The following EPHX1 variants were observed in gnomAD, a reference collection of about 807,000 sequenced individuals.
EPHX1 encodes epoxide hydrolase 1, also known as epoxide hydratase.
Under a neutral mutation model 43.2 loss-of-function variants are expected in EPHX1, and 40 were observed. That is an observed-to-expected ratio of 0.93 (90% CI 0.72 to 1.21). EPHX1 has a LOEUF of 1.21. Among genes scored for constraint, EPHX1 ranks in the 50% most tolerant of loss-of-function variants. The probability of loss-of-function intolerance (pLI) is 0.00; values close to 1 mark genes in which losing one functional copy is unlikely to be tolerated. For missense variants in EPHX1, 550 were observed against 570.4 expected, an observed-to-expected ratio of 0.96 and a Z score of 0.36; for synonymous variants, 221 against 226.7, an observed-to-expected ratio of 0.98 and a Z score of 0.22.
chr1:225,816,110 C>T (rs1187263874), intron 1 of EPHX1, among the ~76,000 whole-genome samples: 4 of 151,998 alleles, frequency 2.6e-5, no homozygotes, highest in African/African-American at 4.8e-5. Context: ...GCCAACATGG[C>T]GAAACCCCTT....
chr1:225,811,963 A>AT, intron 1 of EPHX1, among the ~76,000 whole-genome samples: 1 of 152,292 alleles, frequency 6.6e-6, no homozygotes, highest in Admixed American at 6.5e-5. Flanking sequence ...TAATATGGAG[A>AT]TAAATAAAAC....
chr1:225,826,083 T>C (rs1470741645), intron 1 of EPHX1, among the ~76,000 whole-genome samples: 1 of 152,180 alleles, frequency 6.6e-6, no homozygotes, highest in African/African-American at 2.4e-5. Context: ...TTGTTTTTAT[T>C]GTGGGAGTGT....
chr1:225,845,344 A>ATGACCC lies in EPHX1; in HGVS notation c.1366_*3dup. 1 of 1,607,386 alleles carries ATGACCC rather than the reference A, an allele frequency of 6.2e-7. No homozygotes were observed. On this transcript the variant is annotated inframe_insertion and stop_retained_variant, in exon 9 of 9. Transcript: ENST00000272167. ...AGTTCCTGTCGGTGCTGGAGCGGCA[A>ATGACCC]TGACCCACCCCTCTCCCCCCGCCTG... is the stretch of plus-strand genomic sequence containing the variant.
chr1:225,816,422 C>T (rs542362667), intron 1 of EPHX1, among the ~76,000 whole-genome samples: 13 of 152,212 alleles, frequency 8.5e-5, no homozygotes, highest in South Asian at 4.1e-4. Context: ...CTGGGTTCTG[C>T]TTGAGTTTTT....
At chr1:225,845,032 C>T in intron 8 of EPHX1, 114 bp from the exon 9 acceptor site, 2 of 1,133,168 alleles carry the variant, frequency 1.8e-6, no homozygotes, top group Non-Finnish European at 2.6e-6. Flanking sequence ...TTCTTTATGG[C>T]TCCTTGTGGG....
chr1:225,836,279 G>C (rs1410727981), intron 3 of EPHX1, among the ~76,000 whole-genome samples: 1 of 152,166 alleles, frequency 6.6e-6, no homozygotes, highest in African/African-American at 2.4e-5. Context: ...GTAGATACCA[G>C]CATTATCCAG....
At chr1:225,820,913 G>A (rs1031695044) in intron 1 of EPHX1, among the ~76,000 whole-genome samples, 2 of 152,036 alleles carry the variant, frequency 1.3e-5, no homozygotes, top group Non-Finnish European at 2.9e-5. Context: ...TTGTGTGTTA[G>A]TCCTGGTGCC....
In EPHX1 at chr1:225,839,889, C is replaced by G; in HGVS notation, c.783C>G (p.Thr261=). Residue 261 remains threonine, a synonymous_variant, in exon 6 of 9, where the codon ACC becomes ACG. Transcript: ENST00000272167. ...TTTTAAGCAACTTCTCTACCCTGAC[C>G]CTCCTCCTGGGACAGCGTTTCGGGA... ...ALVLSNFSTL[T]LLLGQRFGRF... 6.2e-7 allele frequency: 1 copy of G among 1,614,212 alleles called. No homozygotes were observed. The highest frequency in any genetic ancestry group is 8.5e-7 in the Non-Finnish European group (1 of 1,180,026).
chr1:225,813,973 C>A (rs1334792006), intron 1 of EPHX1, among the ~76,000 whole-genome samples: 2 of 152,208 alleles, frequency 1.3e-5, no homozygotes, highest in Non-Finnish European at 2.9e-5. Context: ...GTTCTTAGGT[C>A]GGGAGCAGGA....
At chr1:225,844,059 A>G (rs1472259548) in intron 7 of EPHX1, among the ~76,000 whole-genome samples, 1 of 152,122 alleles carries the variant, frequency 6.6e-6, no homozygotes, top group Admixed American at 6.6e-5. Flanking sequence ...CCACTTAATA[A>G]GTAAAATGGA....
In EPHX1 at chr1:225,844,401, A is replaced by G. The variant is rs1249121437; in HGVS notation, c.1041-97A>G. On this transcript the variant is annotated intron_variant, in intron 7 of 8. Transcript: ENST00000272167. ...CATGAGGTCTGAGGAGGGAAGCCGCATGGGCAGGGCCTGGCATTTGTAGGA... is the reference window on the plus strand; with the variant it reads ...CATGAGGTCTGAGGAGGGAAGCCGCGTGGGCAGGGCCTGGCATTTGTAGGA... The G allele has an allele frequency of 5.0e-6, 8 of 1,597,662 alleles. No homozygotes were observed. In the Admixed American group the frequency reaches 1.2e-4, roughly 23 times the overall value.
intron 1 of EPHX1, among the ~76,000 whole-genome samples, chr1:225,816,422 C>G (rs542362667): frequency 2.4e-4 from 37 of 152,212 alleles, no homozygotes; most frequent in African/African-American, 8.4e-4. Flanking sequence ...CTGGGTTCTG[C>G]TTGAGTTTTT....
At chr1:225,828,643 G>T in intron 1 of EPHX1, 82 bp from the exon 2 acceptor site, 1 of 1,438,918 alleles carries the variant, frequency 6.9e-7, no homozygotes, top group Admixed American at 1.7e-5. Flanking sequence ...GCAGGAAAGA[G>T]CCTGCTGGGG....
At chr1:225,826,133 T>TG (rs1315324447) in intron 1 of EPHX1, among the ~76,000 whole-genome samples, 1 of 151,988 alleles carries the variant, frequency 6.6e-6, no homozygotes, top group African/African-American at 2.4e-5. Context: ...ATAGGGTCCT[T>TG]GGGGCCCAGG....
intron 3 of EPHX1, 52 bp from the exon 4 acceptor site, chr1:225,838,602 C>A: frequency 1.3e-6 from 2 of 1,521,010 alleles, no homozygotes; most frequent in Non-Finnish European, 1.8e-6. Flanking sequence ...CAGAGCCTGA[C>A]CGTGCAGGGT....
At chr1:225,830,490 G>A (rs1485664675) in intron 2 of EPHX1, among the ~76,000 whole-genome samples, 2 of 152,150 alleles carry the variant, frequency 1.3e-5, no homozygotes, top group African/African-American at 4.8e-5. Context: ...TTTGGAGACA[G>A]GGTCTTGCTC....
intron 1 of EPHX1, among the ~76,000 whole-genome samples, chr1:225,814,256 G>A (rs1174737629): frequency 1.3e-5 from 2 of 152,134 alleles, no homozygotes; most frequent in Non-Finnish European, 2.9e-5. Flanking sequence ...TAAATTAGCT[G>A]GGAGTGGTGG....
Position 225,845,228 on chromosome 1 carries a change from T to C in EPHX1, c.1249T>C (p.Tyr417His), listed in dbSNP as rs1321764952. 1 of 1,614,112 alleles carries C rather than the reference T, an allele frequency of 6.2e-7. No homozygotes were observed. Among genetic ancestry groups the C allele is most frequent in the Admixed American group, 1.7e-5 (1 of 60,024 alleles). The change falls in exon 9 of 9, where the codon TAC (tyrosine) becomes CAC (histidine). Residue 417 changes from tyrosine (Y) to histidine (H), a missense_variant. Tyr to His is a moderately conservative substitution (Grantham distance 83). Transcript: ENST00000272167. ...GCCTGAAAAGTGGGTGAGGTTCAAG[T>C]ACCCAAAGCTCATCTCCTATTCCTA... ...HTPEKWVRFK[Y>H]PKLISYSYMV...
At position 225,844,490 on chromosome 1, in the gene EPHX1, G is replaced by T; in HGVS notation, c.1041-8G>T. The T allele has an allele frequency of 2.5e-6, 4 of 1,614,046 alleles. No homozygotes were observed. The highest frequency in any genetic ancestry group is 3.4e-6 in the Non-Finnish European group (4 of 1,179,980). On this transcript the variant is annotated splice_region_variant and splice_polypyrimidine_tract_variant and intron_variant, in intron 7 of 8. Coordinates refer to ENST00000272167, the MANE Select transcript of EPHX1 (RefSeq NM_001136018.4). ...CTGAGAGTGGGGCTTTGTGTTCTGC[G>T]TTCCCAGGAAGTTCTCCCTGGACGA...
Sources: allele counts gnomAD v4.1 joint callset (sites outside exome capture counted in the v4.1 genomes callset), GRCh38; gene constraint gnomAD v4.1.1; transcripts MANE v1.5; gene names NCBI Gene and HGNC (gene_info 2026-07-23, HGNC 2026-07-21).